GMPR: variants seen among roughly 807,000 people sequenced by gnomAD.
GMPR encodes GMP reductase 1.
GMPR carries 31 observed loss-of-function variants against 38.4 expected under a neutral mutation model. That is an observed-to-expected ratio of 0.81 (90% CI 0.61 to 1.09). The LOEUF is 1.09. GMPR is among the 50% of genes least tolerant of loss of function. GMPR has a pLI of 0.00. For synonymous variants in GMPR, 162 were observed against 173.3 expected (o/e 0.93, Z 0.51); for missense variants, 468 against 453.7 (o/e 1.03, Z -0.29).
At chr6:16,291,618 C>T (rs979701346) in intron 8 of GMPR, among the ~76,000 whole-genome samples, 1 of 152,118 alleles carries the variant, frequency 6.6e-6, no homozygotes, top group Non-Finnish European at 1.5e-5. Context: ...GTTTTAAGAA[C>T]CTGATGATGG....
chr6:16,275,240 C>G lies in GMPR; in HGVS notation c.547+744C>G, dbSNP rs1434745019. On this transcript the variant is annotated intron_variant, in intron 5 of 8. Coordinates refer to ENST00000259727, the MANE Select transcript of GMPR (RefSeq NM_006877.4). ...ATTGAGGAGCAAGAAAGAATATACACATTTTCACTTGGGACTGAAAAACAG... is the reference window on the plus strand; with the variant it reads ...ATTGAGGAGCAAGAAAGAATATACAGATTTTCACTTGGGACTGAAAAACAG... Among the ~76,000 whole-genome samples, 3 of 152,168 alleles carry G rather than the reference C, an allele frequency of 2.0e-5. No homozygotes were observed. In the East Asian group the frequency reaches 5.8e-4, roughly 29 times the overall value.
chr6:16,254,665 A>G lies in GMPR; in HGVS notation c.395A>G (p.Asn132Ser), dbSNP rs757466010. 7.4e-6 allele frequency: 12 copies of G among 1,613,814 alleles called. No homozygotes were observed. The highest frequency in any genetic ancestry group is 1.6e-4 in the Middle Eastern group (1 of 6,062). ...QVKFICLDVA[N>S]GYSEHFVEFV... ...AAGTTTATTTGCCTGGATGTGGCCA[A>G]TGGGTATTCAGAACATTTTGTGGAA... The change falls in exon 4 of 9, where the codon AAT becomes AGT. Residue 132 changes from asparagine (N) to serine (S), a missense_variant. By Grantham distance (46) the Asn-to-Ser change is conservative. Coordinates refer to ENST00000259727, the MANE Select transcript of GMPR (RefSeq NM_006877.4).
In GMPR at chr6:16,290,609, T is replaced by G; in HGVS notation, c.845T>G (p.Val282Gly). 6.2e-7 allele frequency: 1 copy of G among 1,613,556 alleles called. No individual in the cohort carries two copies. The highest frequency in any genetic ancestry group is 1.3e-5 in the African/African-American group (1 of 74,842). Residue 282 changes from valine (V) to glycine (G), a missense_variant, in exon 8 of 9, where the codon GTT becomes GGT. Transcript: ENST00000259727. ...DTAMNKHAGG[V>G]AEYRASEGKT... is the part of the protein sequence containing the mutation. ...GCCATGAACAAGCACGCAGGAGGAG[T>G]TGCTGAGTACAGGTGAGGAGGTGAC...
At chr6:16,276,727 TA>T (rs1426330627) in intron 5 of GMPR, among the ~76,000 whole-genome samples, 8 of 152,198 alleles carry the variant, frequency 5.3e-5, no homozygotes, top group Non-Finnish European at 7.3e-5. Flanking sequence ...TTCTTTATGG[TA>T]AAAACATTGC....
intron 4 of GMPR, among the ~76,000 whole-genome samples, chr6:16,260,429 T>C (rs1281320877): frequency 2.0e-4 from 31 of 152,086 alleles, no homozygotes; most frequent in African/African-American, 6.5e-4. Flanking sequence ...AGGCCTGTAC[T>C]TATCCAGTGA....
intron 2 of GMPR, among the ~76,000 whole-genome samples, chr6:16,247,616 C>G (rs1758785201): frequency 6.6e-6 from 1 of 152,156 alleles, no homozygotes; most frequent in African/African-American, 2.4e-5. Context: ...CTCAGGTGAT[C>G]CGCCTGCCTT....
chr6:16,287,978 C>T (rs982124220), intron 7 of GMPR, among the ~76,000 whole-genome samples: 2 of 152,238 alleles, frequency 1.3e-5, no homozygotes, highest in Non-Finnish European at 2.9e-5. Context: ...ATTTGCCAGG[C>T]TCCCCTCCTC....
At position 16,254,571 on chromosome 6, in the gene GMPR, G is replaced by C; in HGVS notation, c.301G>C (p.Val101Leu). The C allele has an allele frequency of 6.2e-7, 1 of 1,613,548 alleles. No homozygotes were observed. The highest frequency in any genetic ancestry group is 8.5e-7 in the Non-Finnish European group (1 of 1,179,458). Residue 101 changes from valine (V) to leucine (L), a missense_variant, in exon 4 of 9, where the codon GTG (valine) becomes CTG (leucine). Coordinates refer to ENST00000259727, the MANE Select transcript of GMPR (RefSeq NM_006877.4). Reference sequence around the variant, plus strand: ...GTTTATTTTGGTGCAGAATGTAGCCGTGAGTTCAGGCAGTGGGCAGAATGA... The same window carrying C: ...GTTTATTTTGGTGCAGAATGTAGCCCTGAGTTCAGGCAGTGGGCAGAATGA... ...NHPECLQNVAVSSGSGQNDLE... is the reference protein window; with the variant it reads ...NHPECLQNVALSSGSGQNDLE...
At chr6:16,243,915 T>C (rs541551446) in intron 1 of GMPR, among the ~76,000 whole-genome samples, 28 of 152,202 alleles carry the variant, frequency 1.8e-4, no homozygotes, top group Non-Finnish European at 3.4e-4. Flanking sequence ...AGTGGCTAAG[T>C]GGCAGTTGTT....
At chr6:16,289,774 C>T (rs1050138769) in intron 7 of GMPR, among the ~76,000 whole-genome samples, 1 of 149,790 alleles carries the variant, frequency 6.7e-6, no homozygotes, top group Non-Finnish European at 1.5e-5. Context: ...AGACCAGACA[C>T]CTGAGGGGGT....
chr6:16,290,049 T>A (rs988720963), intron 7 of GMPR: 1 of 160,744 alleles, frequency 6.2e-6, no homozygotes, highest in African/African-American at 2.4e-5. Flanking sequence ...GAACTCCTGA[T>A]CTCAAGTGAT....
At chr6:16,243,732 ACTG>A (rs1758702321) in intron 1 of GMPR, among the ~76,000 whole-genome samples, 26 of 152,054 alleles carry the variant, frequency 1.7e-4, no homozygotes, top group Non-Finnish European at 8.8e-5. Flanking sequence ...ATCCCTCCTC[ACTG>A]GGCAGGGCCT....
intron 8 of GMPR, among the ~76,000 whole-genome samples, chr6:16,294,571 G>A (rs533949821): frequency 1.3e-5 from 2 of 152,332 alleles, no homozygotes; most frequent in South Asian, 2.1e-4. Context: ...GGGGGGAATC[G>A]GCCAGGGCCA....
At chr6:16,262,270 A>G (rs1759102789) in intron 4 of GMPR, 1 of 151,780 alleles carries the variant, frequency 6.6e-6, no homozygotes, top group African/African-American at 2.4e-5. Flanking sequence ...TCAGCCGCTA[A>G]GCCAAGAAGA....
At chr6:16,265,839 G>A (rs1397775764) in intron 4 of GMPR, among the ~76,000 whole-genome samples, 3 of 151,728 alleles carry the variant, frequency 2.0e-5, no homozygotes, top group Admixed American at 6.7e-5. Flanking sequence ...GGTTTTCTTC[G>A]TTCGCTTGCT....
intron 2 of GMPR, among the ~76,000 whole-genome samples, chr6:16,248,232 CAAAAAAA>C (rs774386979): frequency 1.1e-4 from 5 of 45,134 alleles, no homozygotes; most frequent in Admixed American, 3.3e-4. Context: ...GACCCTGTCT[CAAAAAAA>C]AAAAAAAAAA....
intron 7 of GMPR, chr6:16,290,155 G>A (rs71554565): frequency 1.8e-4 from 49 of 266,294 alleles, no homozygotes; most frequent in African/African-American, 9.6e-4. Flanking sequence ...GTGATTCTAA[G>A]AGAGTTAGAT....
intron 1 of GMPR, among the ~76,000 whole-genome samples, chr6:16,239,965 C>G (rs1405480837): frequency 1.3e-5 from 2 of 152,182 alleles, no homozygotes; most frequent in Non-Finnish European, 2.9e-5. Context: ...CATGACCTTT[C>G]AGGTGCTAAA....
chr6:16,291,331 A>C (rs1330418464), intron 8 of GMPR, among the ~76,000 whole-genome samples: 1 of 151,760 alleles, frequency 6.6e-6, no homozygotes, highest in Admixed American at 6.6e-5. Flanking sequence ...TCAAGTGATT[A>C]TCCTGCCTCA....
Sources: gnomAD v4.1 joint callset for allele counts (sites outside exome capture counted in the v4.1 genomes callset) on GRCh38, gnomAD v4.1.1 for gene constraint, MANE v1.5 for transcripts, NCBI Gene and HGNC (gene_info 2026-07-23, HGNC 2026-07-21) for gene names.